ZBTB44: variants seen among roughly 807,000 people sequenced by gnomAD.
ZBTB44 encodes the protein zinc finger and BTB domain containing 44.
A neutral mutation model predicts 54.0 loss-of-function variants in ZBTB44; 15 were observed. The ratio of observed to expected loss-of-function variants is 0.28; its 90% confidence interval spans 0.19 to 0.43. The LOEUF (loss-of-function observed/expected upper bound fraction) is 0.43. Ranked by LOEUF, ZBTB44 falls within the 20% of genes least tolerant of loss-of-function variation. ZBTB44 has a pLI of 1.00. For missense variants in ZBTB44, 487 were observed against 707.1 expected, an observed-to-expected ratio of 0.69 and a Z score of 3.53; for synonymous variants, 230 against 250.1, an observed-to-expected ratio of 0.92 and a Z score of 0.76.
In ZBTB44 at chr11:130,226,860, T is replaced by A. The variant is rs1274089729; in HGVS notation, c.*4904A>T. On this transcript the variant is annotated 3_prime_UTR_variant, in exon 8 of 8. Transcript: ENST00000357899. ...TAAAGATTTTTTTTTTAAAAAAAGTTTAAACCTTTTTTAAAAAGATTAAAC... is the reference window on the plus strand; with the variant it reads ...TAAAGATTTTTTTTTTAAAAAAAGTATAAACCTTTTTTAAAAAGATTAAAC... 1 of 152,204 alleles carries A rather than the reference T, an allele frequency of 6.6e-6. No individual in the cohort carries two copies. Among genetic ancestry groups the A allele is most frequent in the Non-Finnish European group, 1.5e-5 (1 of 68,036 alleles). The allele number at this position is 152,204 out of a possible 1,614,324, so 9.4% of individuals were successfully genotyped here.
chr11:130,263,766 T>C (rs1351716626), intron 1 of ZBTB44, among the ~76,000 whole-genome samples: 1 of 152,172 alleles, frequency 6.6e-6, no homozygotes, highest in Non-Finnish European at 1.5e-5. Context: ...AGAGTAGATA[T>C]GAAAAGGATT....
At chr11:130,256,210 C>T (rs1171360299) in intron 2 of ZBTB44, among the ~76,000 whole-genome samples, 1 of 152,170 alleles carries the variant, frequency 6.6e-6, no homozygotes, top group African/African-American at 2.4e-5. Context: ...TACTGACAAA[C>T]TGAATCCAGC....
chr11:130,297,227 G>C (rs1941705748), intron 1 of ZBTB44, among the ~76,000 whole-genome samples: 1 of 152,084 alleles, frequency 6.6e-6, no homozygotes, highest in Admixed American at 6.5e-5. Flanking sequence ...TTTTATTTTT[G>C]GGATATAAAA....
intron 1 of ZBTB44, among the ~76,000 whole-genome samples, chr11:130,269,076 A>T (rs575497178): frequency 3.3e-5 from 5 of 151,154 alleles, no homozygotes; most frequent in African/African-American, 1.2e-4. Context: ...GGATCACCTG[A>T]GGTCAGGGGT....
chr11:130,267,207 T>G (rs1313378062), intron 1 of ZBTB44, among the ~76,000 whole-genome samples: 2 of 151,936 alleles, frequency 1.3e-5, no homozygotes, highest in Non-Finnish European at 2.9e-5. Context: ...GAGGTTACAG[T>G]GAGCCGAGAT....
chr11:130,303,259 C>T (rs76057374), intron 1 of ZBTB44, among the ~76,000 whole-genome samples: 1,918 of 152,256 alleles, frequency 0.013, 45 homozygotes, highest in African/African-American at 0.043. Flanking sequence ...CTTAGTTACA[C>T]GTTGCCAAGA....
chr11:130,286,503 C>T (rs964199877), intron 1 of ZBTB44, among the ~76,000 whole-genome samples: 1 of 152,178 alleles, frequency 6.6e-6, no homozygotes, highest in African/African-American at 2.4e-5. Flanking sequence ...CATAGACACT[C>T]GTGGTATCCC....
chr11:130,265,309 C>G (rs1057206036), intron 1 of ZBTB44, among the ~76,000 whole-genome samples: 5 of 152,112 alleles, frequency 3.3e-5, no homozygotes, highest in African/African-American at 1.2e-4. Flanking sequence ...TCACTGCAAC[C>G]TCCACCTCCC....
rs1023795179 is a variant in ZBTB44 at position 130,227,482 on chromosome 11, G to A, written c.*4282C>T. The A allele has an allele frequency of 2.0e-5, 3 of 152,142 alleles. No individual in the cohort carries two copies. Among genetic ancestry groups the A allele is most frequent in the African/African-American group, 7.2e-5 (3 of 41,420 alleles). 9.4% of individuals were successfully genotyped at this position (152,142 alleles called of 1,614,324 possible). ...CCCTTGAGAGTTTCACAAAATGCCA[G>A]TGCCCAGAAAGAATCACAATGCTAT... On this transcript the variant is annotated 3_prime_UTR_variant, in exon 8 of 8. Coordinates refer to ENST00000357899, the MANE Select transcript of ZBTB44 (RefSeq NM_001301098.2).
At chr11:130,243,205 A>G (rs1490247644) in intron 2 of ZBTB44, among the ~76,000 whole-genome samples, 1 of 152,240 alleles carries the variant, frequency 6.6e-6, no homozygotes, top group Non-Finnish European at 1.5e-5. Flanking sequence ...TGGCAATGCC[A>G]ATATATTTCT....
chr11:130,270,086 T>A (rs532815917), intron 1 of ZBTB44, among the ~76,000 whole-genome samples: 22 of 152,310 alleles, frequency 1.4e-4, no homozygotes, highest in South Asian at 6.2e-4. Context: ...CTGCTTAACA[T>A]GATGAAAGAG....
chr11:130,275,205 CATTT>C (rs141108857), intron 1 of ZBTB44, among the ~76,000 whole-genome samples: 1,648 of 152,228 alleles, frequency 0.011, 17 homozygotes, highest in Non-Finnish European at 0.017. Context: ...CGAGGTCATT[CATTT>C]GAGATCTTTC....
chr11:130,297,618 C>T (rs769708934), intron 1 of ZBTB44, among the ~76,000 whole-genome samples: 2 of 152,176 alleles, frequency 1.3e-5, no homozygotes, highest in African/African-American at 2.4e-5. Context: ...CATTTGTAGA[C>T]AGACATGCAC....
chr11:130,266,985 G>T (rs1939296466), intron 1 of ZBTB44, among the ~76,000 whole-genome samples: 1 of 152,098 alleles, frequency 6.6e-6, no homozygotes, highest in African/African-American at 2.4e-5. Context: ...ATTTTTTTTA[G>T]CTGGGCGCAA....
intron 1 of ZBTB44, among the ~76,000 whole-genome samples, chr11:130,274,308 T>C (rs1424363685): frequency 6.6e-6 from 1 of 152,184 alleles, no homozygotes; most frequent in African/African-American, 2.4e-5. Context: ...GATCAGGTCA[T>C]CTGAAAACAG....
In ZBTB44 at chr11:130,261,459, T is replaced by C; in HGVS notation, c.415A>G (p.Lys139Glu). 1.2e-6 allele frequency: 2 copies of C among 1,614,040 alleles called. No individual in the cohort carries two copies. Among genetic ancestry groups the C allele is most frequent in the Admixed American group, 1.7e-5 (1 of 60,022 alleles). Residue 139 changes from lysine (K) to glutamate (E), a missense_variant, in exon 2 of 8, where the codon AAG (lysine) becomes GAG (glutamate). Lys to Glu is a moderately conservative substitution (Grantham distance 56). This residue lies in a region of ZBTB44 where 277 missense variants were observed against 306.5 expected (regional missense o/e 0.90). Transcript: ENST00000357899. The surrounding 1 kb of genome is among the most constrained non-coding windows in gnomAD (Gnocchi z 4.8). The stretch of plus-strand genomic sequence containing the variant: ...TTTTCTTGTCCAGCATCTAGACCCT[T>C]TTCAGGTTGGCTGTTGGGTGTATTC... ...LWNTPNSQPEKGLDAGQENNS... is the reference protein window; with the variant it reads ...LWNTPNSQPEEGLDAGQENNS...
intron 2 of ZBTB44, among the ~76,000 whole-genome samples, chr11:130,244,961 C>G (rs1954579281): frequency 6.6e-6 from 1 of 152,136 alleles, no homozygotes; most frequent in Non-Finnish European, 1.5e-5. Context: ...GACAGGGTTA[C>G]ATTTTGCCTT....
chr11:130,296,213 T>C, intron 1 of ZBTB44: 3 of 1,295,516 alleles, frequency 2.3e-6, no homozygotes, highest in South Asian at 2.6e-5. Context: ...ATGTTAGTGT[T>C]GATGATGATA....
intron 2 of ZBTB44, among the ~76,000 whole-genome samples, chr11:130,257,130 G>C (rs1938504309): frequency 6.8e-6 from 1 of 147,436 alleles, no homozygotes. Flanking sequence ...ACCAGTAATA[G>C]ACAAGCAGAG....
Sources: gnomAD v4.1 joint callset for allele counts (sites outside exome capture counted in the v4.1 genomes callset) on GRCh38, gnomAD v4.1.1 for gene constraint, gnomAD v4.1.1 regional missense constraint, Gnocchi (gnomAD v3.1) non-coding constraint, MANE v1.5 for transcripts, NCBI Gene and HGNC (gene_info 2026-07-23, HGNC 2026-07-21) for gene names.